SUCO: variants seen among roughly 807,000 people sequenced by gnomAD.
The protein encoded by SUCO is SUN domain-containing ossification factor.
In SUCO, 57 loss-of-function variants were observed where a neutral mutation model predicts 148.1. The observed-to-expected ratio is 0.38, with a 90% CI of 0.31 to 0.48. The LOEUF (loss-of-function observed/expected upper bound fraction) is 0.48. Ranked by LOEUF, SUCO falls within the 20% of genes least tolerant of loss-of-function variation. The probability of loss-of-function intolerance (pLI) is 0.96; values close to 1 mark genes in which losing one functional copy is unlikely to be tolerated. For missense variants in SUCO, 1,331 were observed against 1,468.2 expected, an observed-to-expected ratio of 0.91 and a Z score of 1.53; for synonymous variants, 470 against 502.7, an observed-to-expected ratio of 0.93 and a Z score of 0.87.
At chr1:172,580,505 T>G (rs1009987108) in intron 15 of SUCO, among the ~76,000 whole-genome samples, 1 of 152,212 alleles carries the variant, frequency 6.6e-6, no homozygotes. Flanking sequence ...AAATGTCTTA[T>G]CTGTCTGGAT....
In SUCO at chr1:172,608,792, C is replaced by G; in HGVS notation, c.3311C>G (p.Pro1104Arg). The change falls in exon 23 of 24, where the codon CCA becomes CGA. Residue 1104 changes from proline to arginine, a missense_variant. By Grantham distance (103) the Pro-to-Arg change is moderately radical. Coordinates refer to ENST00000263688, the MANE Select transcript of SUCO (RefSeq NM_014283.5). ...LYIVEPLKFS[P>R]EKKKKRCKYK... The stretch of plus-strand genomic sequence containing the variant: ...ATTGTAGAACCCCTCAAGTTTTCTC[C>G]AGAAAAGAAGGTAATTGTTTATTTC... 1 of 1,571,836 alleles carries G rather than the reference C, an allele frequency of 6.4e-7. No homozygotes were observed. The highest frequency in any genetic ancestry group is 1.1e-5 in the South Asian group (1 of 87,034).
intron 15 of SUCO, 141 bp downstream of exon 15, chr1:172,579,408 T>C (rs1655705113): frequency 1.9e-6 from 1 of 537,050 alleles, no homozygotes; most frequent in Non-Finnish European, 3.3e-6. Flanking sequence ...TTTTGAAAAG[T>C]ATTTTTATAG....
In SUCO at chr1:172,600,962, A is replaced by G. The variant is rs145856125; in HGVS notation, c.3018+794A>G. On this transcript the variant is annotated intron_variant, in intron 20 of 23. Coordinates refer to ENST00000263688, the MANE Select transcript of SUCO (RefSeq NM_014283.5). ...TATGGCTGGAGCAGAGTGAGTGAGA[A>G]AAGTGAAGCTGAGAAATGGGTTCAA... is the stretch of plus-strand genomic sequence containing the variant. Among the ~76,000 whole-genome samples the G allele has an allele frequency of 3.6e-3, 545 of 152,310 alleles. 2 individuals are homozygous for G. The highest frequency in any genetic ancestry group is 0.013 in the African/African-American group (524 of 41,562).
intron 3 of SUCO, among the ~76,000 whole-genome samples, chr1:172,554,650 T>C (rs1466900710): frequency 6.6e-6 from 1 of 151,562 alleles, no homozygotes; most frequent in African/African-American, 2.4e-5. Flanking sequence ...GGCAGGAGAA[T>C]TGCTTGAACC....
chr1:172,600,335 A>G (rs1486046334), intron 20 of SUCO, among the ~76,000 whole-genome samples, 167 bp downstream of exon 20: 1 of 152,216 alleles, frequency 6.6e-6, no homozygotes, highest in East Asian at 1.9e-4. Context: ...TTTTGAAAAT[A>G]TATTATCATA....
chr1:172,595,184 C>T (rs1397604545), intron 19 of SUCO, among the ~76,000 whole-genome samples: 48 of 152,144 alleles, frequency 3.2e-4, no homozygotes, highest in Non-Finnish European at 4.4e-5. Flanking sequence ...TGTCTCTGCA[C>T]ATGAGATGGG....
At chr1:172,548,549 C>G (rs1372647393) in intron 1 of SUCO, among the ~76,000 whole-genome samples, 1 of 151,952 alleles carries the variant, frequency 6.6e-6, no homozygotes, top group African/African-American at 2.4e-5. Context: ...CTGCTATTGT[C>G]TTATCTACAT....
At chr1:172,586,398 C>CTTTAA (rs1486959530) in intron 17 of SUCO, among the ~76,000 whole-genome samples, 4 of 152,158 alleles carry the variant, frequency 2.6e-5, no homozygotes, top group African/African-American at 9.7e-5. Context: ...AAGCTCTTAA[C>CTTTAA]TGTTCCATTT....
rs995757708 is a variant in SUCO, at chr1:172,533,259, C to T, written c.-177C>T. 2.6e-6 allele frequency: 4 copies of T among 1,548,988 alleles called. No individual in the cohort carries two copies. The Admixed American group carries it at 5.9e-5, about 23-fold the overall frequency. ...GCCCCTGTCCGCGCCTCTGTGGGGCCCTCAGAGAGGGCTGCCAGGACGCGA... is the reference window on the plus strand; with the variant it reads ...GCCCCTGTCCGCGCCTCTGTGGGGCTCTCAGAGAGGGCTGCCAGGACGCGA... On this transcript the variant is annotated 5_prime_UTR_variant, in exon 1 of 24. Transcript: ENST00000263688.
At chr1:172,532,773 C>G (rs1234258548), upstream of SUCO, 14 of 1,612,300 alleles carry the variant, frequency 8.7e-6, no homozygotes, top group African/African-American at 8.0e-5. Flanking sequence ...GGCCCTTGCG[C>G]GGACTCAGCG....
At chr1:172,607,263 G>T (rs966614008) in intron 22 of SUCO, among the ~76,000 whole-genome samples, 2 of 151,834 alleles carry the variant, frequency 1.3e-5, no homozygotes, top group Non-Finnish European at 1.5e-5. Flanking sequence ...CTAGAATATA[G>T]GTTCTTATTT....
At chr1:172,534,999 A>G (rs1448126643) in intron 1 of SUCO, among the ~76,000 whole-genome samples, 1 of 152,210 alleles carries the variant, frequency 6.6e-6, no homozygotes, top group Non-Finnish European at 1.5e-5. Context: ...AACGAAATCA[A>G]GCAATAGAAT....
At chr1:172,559,959 A>T (rs1265116713) in intron 6 of SUCO, among the ~76,000 whole-genome samples, 1 of 151,974 alleles carries the variant, frequency 6.6e-6, no homozygotes, top group Non-Finnish European at 1.5e-5. Context: ...TCCCTCAGAG[A>T]TTAGATACTC....
chr1:172,535,899 A>G (rs1651978636), intron 1 of SUCO, among the ~76,000 whole-genome samples: 1 of 152,136 alleles, frequency 6.6e-6, no homozygotes, highest in Admixed American at 6.5e-5. Context: ...ACCTTAGATT[A>G]TGTTTACAGA....
chr1:172,594,773 T>G (rs1439087449), intron 19 of SUCO, among the ~76,000 whole-genome samples: 1 of 152,232 alleles, frequency 6.6e-6, no homozygotes, highest in African/African-American at 2.4e-5. Context: ...GGTGGAGAGT[T>G]CAGTAGATGT....
At chr1:172,604,943 T>C (rs1306092457) in intron 22 of SUCO, among the ~76,000 whole-genome samples, 4 of 151,908 alleles carry the variant, frequency 2.6e-5, no homozygotes, top group African/African-American at 9.7e-5. Context: ...TTTGGATTGC[T>C]TCCCCTCTTG....
At chr1:172,544,267 C>T (rs1652706409) in intron 1 of SUCO, 2 of 358,328 alleles carry the variant, frequency 5.6e-6, no homozygotes, top group African/African-American at 4.4e-5. Flanking sequence ...AGTGTTTTCT[C>T]ATTCTTCTTT....
At position 172,546,738 on chromosome 1, in the gene SUCO, A is replaced by G. The variant is rs367867445; in HGVS notation, c.63-4774A>G. Among the ~76,000 whole-genome samples the G allele has an allele frequency of 1.4e-3, 214 of 152,190 alleles. 2 individuals are homozygous for G. Among genetic ancestry groups the G allele is most frequent in the Non-Finnish European group, 8.8e-4 (60 of 67,980 alleles). ...AGCCTGGGCAACATGGCAAAACCCC[A>G]TCTCTTCCAAAAATACAAAAATTAG... On this transcript the variant is annotated intron_variant, in intron 1 of 23. Coordinates refer to ENST00000263688, the MANE Select transcript of SUCO (RefSeq NM_014283.5).
intron 19 of SUCO, among the ~76,000 whole-genome samples, chr1:172,596,708 G>A (rs1428747438): frequency 6.6e-6 from 1 of 152,212 alleles, no homozygotes; most frequent in Non-Finnish European, 1.5e-5. Context: ...ACTGCGAGGT[G>A]CCTCCCAGTT....
Sources: gnomAD v4.1 joint callset for allele counts (sites outside exome capture counted in the v4.1 genomes callset) on GRCh38, gnomAD v4.1.1 for gene constraint, MANE v1.5 for transcripts, NCBI Gene and HGNC (gene_info 2026-07-23, HGNC 2026-07-21) for gene names.